Variants in ADAMTSL1 observed in about 807,000 individuals in gnomAD.
The protein encoded by ADAMTSL1 is ADAMTS-like protein 1.
A neutral mutation model predicts 201.8 loss-of-function variants in ADAMTSL1; 126 were observed. The observed-to-expected ratio is 0.62, with a 90% CI of 0.54 to 0.72. ADAMTSL1 has a LOEUF of 0.72. Among genes scored for constraint, ADAMTSL1 ranks in the 30% least tolerant of loss-of-function variants. The pLI is 0.00. For synonymous variants in ADAMTSL1, 1,121 were observed against 903.4 expected (o/e 1.24, Z -4.32); for missense variants, 2,679 against 2,277.8 (o/e 1.18, Z -3.59).
At chr9:18,096,390 A>G (rs1824253925) in intron 1 of ADAMTSL1, among the ~76,000 whole-genome samples, 1 of 152,168 alleles carries the variant, frequency 6.6e-6, no homozygotes, top group South Asian at 2.1e-4. Context: ...TTAGACCAAC[A>G]TTGTCTAATG....
chr9:17,996,330 C>A (rs983736948), intron 1 of ADAMTSL1, among the ~76,000 whole-genome samples: 1 of 152,086 alleles, frequency 6.6e-6, no homozygotes, highest in East Asian at 1.9e-4. Context: ...CTTTTACTTC[C>A]TTGGCACACA....
intron 1 of ADAMTSL1, among the ~76,000 whole-genome samples, chr9:18,009,849 G>A (rs1819979679): frequency 6.6e-6 from 1 of 151,964 alleles, no homozygotes; most frequent in East Asian, 1.9e-4. Flanking sequence ...TAGGATCCAG[G>A]CTTGCAGATA....
chr9:18,246,812 A>G (rs898963780), intron 2 of ADAMTSL1, among the ~76,000 whole-genome samples: 1 of 152,300 alleles, frequency 6.6e-6, no homozygotes, highest in African/African-American at 2.4e-5. Flanking sequence ...AGTAACAACC[A>G]CATCAAAATT....
At chr9:18,014,744 G>A (rs1353040870) in intron 1 of ADAMTSL1, among the ~76,000 whole-genome samples, 1 of 152,054 alleles carries the variant, frequency 6.6e-6, no homozygotes, top group Non-Finnish European at 1.5e-5. Flanking sequence ...AGGCAGTGGA[G>A]GCTGATGACA....
intron 1 of ADAMTSL1, among the ~76,000 whole-genome samples, chr9:17,979,951 T>C (rs973510323): frequency 3.3e-5 from 5 of 152,036 alleles, no homozygotes; most frequent in African/African-American, 1.2e-4. Context: ...CTGAGGGGGC[T>C]AACATGAAGC....
intron 2 of ADAMTSL1, among the ~76,000 whole-genome samples, chr9:18,243,091 A>G (rs1831130175): frequency 6.6e-6 from 1 of 152,154 alleles, no homozygotes; most frequent in African/African-American, 2.4e-5. Context: ...TATATTACAA[A>G]GCTGTAGTAA....
intron 1 of ADAMTSL1, among the ~76,000 whole-genome samples, chr9:18,134,619 G>T (rs1826080085): frequency 6.6e-6 from 1 of 152,150 alleles, no homozygotes; most frequent in African/African-American, 2.4e-5. Flanking sequence ...TGACACTGAA[G>T]AAGTACTGTT....
At chr9:18,775,940 C>T in intron 18 of ADAMTSL1, 44 bp downstream of exon 18, 1 of 1,562,752 alleles carries the variant, frequency 6.4e-7, no homozygotes, top group South Asian at 1.2e-5. Flanking sequence ...GAAACCCACA[C>T]AGCAGCAGCT....
chr9:18,548,108 G>A (rs914452165), intron 3 of ADAMTSL1, among the ~76,000 whole-genome samples: 7 of 152,004 alleles, frequency 4.6e-5, no homozygotes, highest in Non-Finnish European at 7.4e-5. Flanking sequence ...GCTTGCAATT[G>A]TGAATTGTCT....
chr9:18,343,174 GT>G (rs1162663459), intron 2 of ADAMTSL1, among the ~76,000 whole-genome samples: 1 of 151,856 alleles, frequency 6.6e-6, no homozygotes, highest in African/African-American at 2.4e-5. Flanking sequence ...GGAAATAAAA[GT>G]TTTTCCTTAA....
chr9:17,935,277 G>T (rs1426079635), intron 1 of ADAMTSL1, among the ~76,000 whole-genome samples: 1 of 151,942 alleles, frequency 6.6e-6, no homozygotes, highest in Non-Finnish European at 1.5e-5. Context: ...TGCCTTATGG[G>T]TTGTCCCTTC....
At chr9:18,344,761 T>C (rs1459814522) in intron 2 of ADAMTSL1, among the ~76,000 whole-genome samples, 4 of 151,704 alleles carry the variant, frequency 2.6e-5, no homozygotes, top group African/African-American at 7.3e-5. Context: ...AACTGTGGGG[T>C]GGAGGTGGAA....
At position 18,475,992 on chromosome 9, in the gene ADAMTSL1, G is replaced by T. The variant is rs965463453; in HGVS notation, c.63+1697G>T. 1.3e-5 allele frequency among the ~76,000 whole-genome samples: 2 copies of T among 151,962 alleles called. 1 individual carries two copies. The highest frequency in any genetic ancestry group is 4.1e-4 in the South Asian group (2 of 4,824). Reference sequence around the variant, plus strand: ...AATTTGACTTATGTGGAATGAAAAGGTATGTATGCTTATTTCAGAAGGACT... The same window carrying T: ...AATTTGACTTATGTGGAATGAAAAGTTATGTATGCTTATTTCAGAAGGACT... On this transcript the variant is annotated intron_variant, in intron 1 of 28. Coordinates refer to ENST00000380548, the MANE Select transcript of ADAMTSL1 (RefSeq NM_001040272.6).
intron 1 of ADAMTSL1, among the ~76,000 whole-genome samples, chr9:17,943,800 T>C (rs572292729): frequency 3.0e-4 from 46 of 152,240 alleles, no homozygotes; most frequent in African/African-American, 1.1e-3. Flanking sequence ...AGAGGTTTAA[T>C]TGGCTTACAG....
At chr9:18,576,909 G>A (rs997513213) in intron 4 of ADAMTSL1, among the ~76,000 whole-genome samples, 15 of 151,840 alleles carry the variant, frequency 9.9e-5, no homozygotes, top group African/African-American at 3.4e-4. Flanking sequence ...GGCTCAGGTC[G>A]ATTTTATATC....
At chr9:18,080,422 A>T (rs1008213841) in intron 1 of ADAMTSL1, among the ~76,000 whole-genome samples, 8 of 152,188 alleles carry the variant, frequency 5.3e-5, no homozygotes, top group African/African-American at 1.9e-4. Flanking sequence ...ATTGTGCATT[A>T]GGAGTTGTGA....
chr9:17,933,331 A>T (rs1465691892), intron 1 of ADAMTSL1, among the ~76,000 whole-genome samples: 1 of 151,964 alleles, frequency 6.6e-6, no homozygotes, highest in Non-Finnish European at 1.5e-5. Flanking sequence ...CTCTCTTGTG[A>T]TGGCATTTGG....
intron 26 of ADAMTSL1, among the ~76,000 whole-genome samples, chr9:18,905,248 T>C (rs1830235716): frequency 1.3e-5 from 2 of 152,200 alleles, no homozygotes; most frequent in Non-Finnish European, 2.9e-5. Context: ...ACAATCTCCA[T>C]GAGCACATAG....
intron 2 of ADAMTSL1, among the ~76,000 whole-genome samples, chr9:18,258,754 G>C (rs1202805475): frequency 6.6e-6 from 1 of 152,126 alleles, no homozygotes; most frequent in South Asian, 2.1e-4. Flanking sequence ...TGCAAATTCT[G>C]CCTGGTCCCT....
Sources: gnomAD v4.1 joint callset for allele counts (sites outside exome capture counted in the v4.1 genomes callset) on GRCh38, gnomAD v4.1.1 for gene constraint, MANE v1.5 for transcripts, NCBI Gene and HGNC (gene_info 2026-07-23, HGNC 2026-07-21) for gene names.